The following NAV3 variants were observed in gnomAD, a reference collection of about 807,000 sequenced individuals.
The protein encoded by NAV3 is neuron navigator 3.
Under a neutral mutation model 244.7 loss-of-function variants are expected in NAV3, and 87 were observed. That is an observed-to-expected ratio of 0.36 (90% CI 0.30 to 0.42). NAV3 has a LOEUF of 0.42. NAV3 is among the 20% of genes least tolerant of loss of function. The probability of loss-of-function intolerance (pLI) is 1.00; values close to 1 mark genes in which losing one functional copy is unlikely to be tolerated. For missense variants in NAV3, 2,663 were observed against 2,893.3 expected (o/e 0.92, Z 1.83); for synonymous variants, 1,126 against 1,042.2 (o/e 1.08, Z -1.55).
intron 1 of NAV3, among the ~76,000 whole-genome samples, chr12:77,894,651 A>G (rs550949738): frequency 6.6e-6 from 1 of 152,212 alleles, no homozygotes; most frequent in African/African-American, 2.4e-5. Context: ...ATGTCTATGA[A>G]GATAAGACAA....
chr12:78,095,045 T>TTTTATATATATATATA (rs1555285092), intron 12 of NAV3, among the ~76,000 whole-genome samples: 1 of 123,870 alleles, frequency 8.1e-6, no homozygotes, highest in African/African-American at 2.8e-5. Context: ...CCATATCAAA[T>TTTTATATATATATATA]TATATATATA....
chr12:77,651,768 A>C (rs1872832906), intron 2 of NAV3, among the ~76,000 whole-genome samples: 2 of 152,218 alleles, frequency 1.3e-5, no homozygotes, highest in African/African-American at 4.8e-5. Flanking sequence ...CATGTCATTA[A>C]ATTGGTAACT....
At chr12:77,951,230 A>C (rs1466379767) in intron 3 of NAV3, among the ~76,000 whole-genome samples, 1 of 152,312 alleles carries the variant, frequency 6.6e-6, no homozygotes, top group South Asian at 2.1e-4. Flanking sequence ...CAAGAAAAAA[A>C]CAAATAACCC....
Position 78,200,549 on chromosome 12 carries a change from T to C in NAV3, c.6792T>C (p.Ser2264=), listed in dbSNP as rs1323455370. The change falls in exon 38 of 40, where the codon TCT becomes TCC. Residue 2264 remains serine, a synonymous_variant. Transcript: ENST00000397909. ...GGTTCATGGATCTCTGGAACTATTC[T>C]TTAGTACCTTATATTCTGGAGGCAG... The part of the protein sequence containing the change: ...RVWFMDLWNY[S]LVPYILEAVR... The C allele has an allele frequency of 6.3e-7, 1 of 1,597,848 alleles. No individual in the cohort carries two copies. Among genetic ancestry groups the C allele is most frequent in the Non-Finnish European group, 8.5e-7 (1 of 1,171,026 alleles).
In NAV3 at chr12:78,200,454, GTTAT is replaced by G. The variant is rs746300330; in HGVS notation, c.6716-12_6716-9del. ...TTAAATATAACTCTTAAAATATTTT[GTTAT>G]TTATTTCTTATCAGGTCCCCGACTA... On this transcript the variant is annotated splice_polypyrimidine_tract_variant and intron_variant, in intron 37 of 39. Transcript: ENST00000397909. 1.4e-6 allele frequency: 2 copies of G among 1,401,002 alleles called. No individual in the cohort carries two copies. Among genetic ancestry groups the G allele is most frequent in the Non-Finnish European group, 2.0e-6 (2 of 1,019,550 alleles). 86.8% of individuals were successfully genotyped at this position (1,401,002 alleles called of 1,614,324 possible). A position where few individuals can be genotyped will look rare whatever the true frequency, so the allele number is the denominator to read the frequency against.
intron 2 of NAV3, among the ~76,000 whole-genome samples, chr12:77,575,620 CCCAGAACAGTGAAAGCT>C (rs1169960920): frequency 6.6e-6 from 1 of 152,050 alleles, no homozygotes; most frequent in African/African-American, 2.4e-5. Flanking sequence ...GCAAAACAAA[CCCAGAACAGTGAAAGCT>C]CAATAGTTAC....
At position 77,726,024 on chromosome 12, in the gene NAV3, G is replaced by A. The variant is rs1876861155; in HGVS notation, c.72+153758G>A. ...CTTTTAATTACATTGGGCCTAACCG[G>A]ATAATCCAGGACAAACTCCTTACTT... is the stretch of plus-strand genomic sequence containing the variant. On this transcript the variant is annotated intron_variant, in intron 2 of 8. Coordinates refer to the NAV3 transcript ENST00000550042. Among the ~76,000 whole-genome samples the A allele has an allele frequency of 2.0e-5, 3 of 151,788 alleles. 1 individual carries two copies. Among genetic ancestry groups the A allele is most frequent in the South Asian group, 4.1e-4 (2 of 4,824 alleles).
At chr12:77,916,315 G>A (rs1159136697) in intron 1 of NAV3, among the ~76,000 whole-genome samples, 1 of 151,940 alleles carries the variant, frequency 6.6e-6, no homozygotes, top group Non-Finnish European at 1.5e-5. Context: ...CAGAGAGGAG[G>A]AAAGAATAAA....
chr12:77,953,955 A>G (rs1208529274), intron 3 of NAV3, among the ~76,000 whole-genome samples: 1 of 152,132 alleles, frequency 6.6e-6, no homozygotes, highest in Non-Finnish European at 1.5e-5. Flanking sequence ...GAGGGCAGAA[A>G]TCTCTATCAT....
intron 10 of NAV3, 126 bp downstream of exon 10, chr12:78,050,227 A>G (rs1882535423): frequency 4.2e-6 from 3 of 709,212 alleles, no homozygotes; most frequent in South Asian, 3.4e-5. Context: ...CCCTTGTTTT[A>G]TATCAAATTG....
intron 2 of NAV3, among the ~76,000 whole-genome samples, chr12:77,819,867 C>T (rs1458296814): frequency 1.3e-5 from 2 of 152,018 alleles, no homozygotes; most frequent in African/African-American, 2.4e-5. Context: ...ATGTGTGGTT[C>T]GTAAAACCAA....
chr12:78,071,493 A>G (rs1952765038), intron 12 of NAV3, among the ~76,000 whole-genome samples: 1 of 151,628 alleles, frequency 6.6e-6, no homozygotes, highest in Non-Finnish European at 1.5e-5. Context: ...ATTTTCTCCC[A>G]TTTTGTAGGT....
At chr12:77,720,905 G>T (rs971320171) in intron 2 of NAV3, among the ~76,000 whole-genome samples, 1 of 152,124 alleles carries the variant, frequency 6.6e-6, no homozygotes, top group Non-Finnish European at 1.5e-5. Flanking sequence ...TTCTGCCTAT[G>T]ATTCTTAAAA....
intron 16 of NAV3, among the ~76,000 whole-genome samples, chr12:78,124,642 T>C (rs1195602240): frequency 1.3e-5 from 2 of 151,922 alleles, no homozygotes; most frequent in African/African-American, 4.8e-5. Flanking sequence ...TTTGTAGAGA[T>C]GAAGTTTCAC....
chr12:77,928,267 G>C (rs1260433213), intron 1 of NAV3, among the ~76,000 whole-genome samples: 1 of 148,364 alleles, frequency 6.7e-6, no homozygotes, highest in African/African-American at 2.5e-5. Flanking sequence ...GGAAAATGCT[G>C]ACTCAGTTTC....
intron 2 of NAV3, among the ~76,000 whole-genome samples, chr12:77,704,187 T>C (rs955497385): frequency 2.0e-5 from 3 of 152,198 alleles, no homozygotes; most frequent in African/African-American, 7.2e-5. Flanking sequence ...GATAAAAAGC[T>C]TTCTACTCCA....
At chr12:77,964,787 GTTAA>G (rs923965417) in intron 3 of NAV3, among the ~76,000 whole-genome samples, 27 of 151,134 alleles carry the variant, frequency 1.8e-4, no homozygotes, top group Non-Finnish European at 3.8e-4. Flanking sequence ...TTACTTTGAA[GTTAA>G]TTAATATAAA....
At chr12:77,634,370 T>C (rs1392452948) in intron 2 of NAV3, among the ~76,000 whole-genome samples, 2 of 152,214 alleles carry the variant, frequency 1.3e-5, no homozygotes, top group African/African-American at 4.8e-5. Context: ...ATTATATTAG[T>C]TGATTTTACA....
rs201692793 is a variant in NAV3 at position 77,831,683 on chromosome 12, C to T, written c.222C>T (p.Ala74=). ...FGEKKPLQGK[A]KEKEDSKIYT... is the part of the protein sequence containing the mutation. ...AGAAGAAACCCCTCCAAGGAAAAGC[C>T]AAGGAGAAAGAAGACAGCAAGGTTA... The change falls in exon 1 of 40, where the codon GCC becomes GCT. Residue 74 remains alanine (A), a synonymous_variant. Transcript: ENST00000397909. The T allele has an allele frequency of 3.7e-6, 6 of 1,608,440 alleles. No individual in the cohort carries two copies. Among genetic ancestry groups the T allele is most frequent in the Non-Finnish European group, 5.1e-6 (6 of 1,178,298 alleles).
Sources: allele counts gnomAD v4.1 joint callset (sites outside exome capture counted in the v4.1 genomes callset), GRCh38; gene constraint gnomAD v4.1.1; transcripts MANE v1.5; gene names NCBI Gene and HGNC (gene_info 2026-07-23, HGNC 2026-07-21).